The following COL9A1 variants were observed in gnomAD, a reference collection of about 807,000 sequenced individuals.
COL9A1 encodes the protein collagen type IX alpha 1 chain.
A neutral mutation model predicts 142.6 loss-of-function variants in COL9A1; 104 were observed. That is an observed-to-expected ratio of 0.73 (90% CI 0.62 to 0.86). The LOEUF (loss-of-function observed/expected upper bound fraction) is 0.86. Ranked by LOEUF, COL9A1 falls within the 40% of genes least tolerant of loss-of-function variation. The pLI is 0.00. For missense variants in COL9A1, 1,210 were observed against 1,176.6 expected (o/e 1.03, Z -0.42); for synonymous variants, 466 against 396.0 (o/e 1.18, Z -2.10).
chr6:70,264,594 T>C (rs1160026501), intron 18 of COL9A1, among the ~76,000 whole-genome samples: 1 of 152,026 alleles, frequency 6.6e-6, no homozygotes, highest in Non-Finnish European at 1.5e-5. Context: ...CAGTGATTGA[T>C]ATGTCCACTG....
rs368516523 is a variant in COL9A1, at chr6:70,239,155, G to T, written c.2112+99C>A. ...CTCCATCTCAAAAAAAAAAAGAATT[G>T]AATGTTACATAATGATTTCATAAAG... On this transcript the variant is annotated intron_variant, in intron 33 of 37. Transcript: ENST00000357250. 11 of 836,620 alleles carry T rather than the reference G, an allele frequency of 1.3e-5. No homozygotes were observed. In the East Asian group the frequency reaches 2.7e-4, roughly 20 times the overall value. 51.8% of individuals were successfully genotyped at this position (836,620 alleles called of 1,614,324 possible).
intron 21 of COL9A1, 127 bp downstream of exon 21, chr6:70,256,641 C>CAT (rs888145554): frequency 9.9e-5 from 63 of 634,292 alleles, no homozygotes; most frequent in Non-Finnish European, 1.3e-4. Flanking sequence ...TAAATTTAAA[C>CAT]ATATATATAT....
In COL9A1 at chr6:70,216,213, T is replaced by C. The variant is rs1462605020; in HGVS notation, c.*684A>G. On this transcript the variant is annotated 3_prime_UTR_variant, in exon 38 of 38. Coordinates refer to ENST00000357250, the MANE Select transcript of COL9A1 (RefSeq NM_001851.6). ...TAAATAATCTCATCAATAAAATTTA[T>C]GAATGCCAGAGTATTAAAATTATTT... 1 of 152,676 alleles carries C rather than the reference T, an allele frequency of 6.5e-6. No homozygotes were observed. Among genetic ancestry groups the C allele is most frequent in the Non-Finnish European group, 1.5e-5 (1 of 68,056 alleles). 9.5% of individuals were successfully genotyped at this position (152,676 alleles called of 1,614,324 possible). A position where few individuals can be genotyped will look rare whatever the true frequency, so the allele number is the denominator to read the frequency against.
chr6:70,286,162 T>C (rs1773443606), intron 5 of COL9A1, among the ~76,000 whole-genome samples: 1 of 152,160 alleles, frequency 6.6e-6, no homozygotes, highest in Non-Finnish European at 1.5e-5. Context: ...TCTGGGATTA[T>C]AAGGTGTGAG....
At chr6:70,275,571 A>G (rs1772706067) in intron 10 of COL9A1, among the ~76,000 whole-genome samples, 1 of 152,122 alleles carries the variant, frequency 6.6e-6, no homozygotes, top group South Asian at 2.1e-4. Context: ...TACTTACTTT[A>G]TCATCATCCT....
intron 4 of COL9A1, among the ~76,000 whole-genome samples, chr6:70,295,857 G>A (rs971519933): frequency 2.0e-5 from 3 of 152,106 alleles, no homozygotes; most frequent in African/African-American, 7.2e-5. Flanking sequence ...CCTTCTAAGC[G>A]TAGAAAAATT....
In COL9A1 at chr6:70,235,517, T is replaced by C. The variant is rs77713413; in HGVS notation, c.2113-577A>G. On this transcript the variant is annotated intron_variant, in intron 33 of 37. Coordinates refer to ENST00000357250, the MANE Select transcript of COL9A1 (RefSeq NM_001851.6). ...GATAGTTATTCTTGCAAAACGTTTA[T>C]TGGAATACTACATTTTTTAAAAACT... 5.9e-3 allele frequency among the ~76,000 whole-genome samples: 894 copies of C among 152,226 alleles called. 26 individuals carry two copies. The East Asian group carries it at 0.07, about 12-fold the overall frequency.
rs1391084943 is a variant in COL9A1, at chr6:70,294,216, C to A, written c.647G>T (p.Gly216Val). 2 of 1,614,042 alleles carry A rather than the reference C, an allele frequency of 1.2e-6. No homozygotes were observed. The highest frequency in any genetic ancestry group is 1.7e-6 in the Non-Finnish European group (2 of 1,179,964). Residue 216 changes from glycine to valine, a missense_variant, in exon 5 of 38, where the codon GGC (glycine) becomes GTC (valine). Coordinates refer to ENST00000357250, the MANE Select transcript of COL9A1 (RefSeq NM_001851.6). ...TGCAAGTTTTCCCAGCACAGCAAAG[C>A]CATCAATGTCAATTGGGCCTCTTGG... ...IKPRGPIDID[G>V]FAVLGKLADN...
chr6:70,283,730 G>C lies in COL9A1; in HGVS notation c.780+7C>G. ...AAGTGGCCTTTGCAGGTAGTCAGGG[G>C]ACTCACCGTTATTCTGGCTGGCAGC... On this transcript the variant is annotated splice_region_variant and intron_variant, in intron 6 of 37. Coordinates refer to ENST00000357250, the MANE Select transcript of COL9A1 (RefSeq NM_001851.6). 6 of 1,607,972 alleles carry C rather than the reference G, an allele frequency of 3.7e-6. No homozygotes were observed. Among genetic ancestry groups the C allele is most frequent in the Non-Finnish European group, 5.1e-6 (6 of 1,176,582 alleles).
intron 37 of COL9A1, among the ~76,000 whole-genome samples, chr6:70,223,083 C>T (rs1171729538): frequency 6.6e-6 from 1 of 152,118 alleles, no homozygotes. Flanking sequence ...TTGAAGTAGA[C>T]TTTCATGGAG....
At chr6:70,242,739 A>T (rs754482869) in intron 28 of COL9A1, 24 bp from the exon 29 acceptor site, 1 of 1,612,074 alleles carries the variant, frequency 6.2e-7, no homozygotes, top group Non-Finnish European at 8.5e-7. Flanking sequence ...AACATTGTCA[A>T]TTGGATATTT....
intron 28 of COL9A1, among the ~76,000 whole-genome samples, chr6:70,248,863 A>G (rs542717770): frequency 6.6e-6 from 1 of 152,356 alleles, no homozygotes; most frequent in African/African-American, 2.4e-5. Flanking sequence ...AAAGGACACA[A>G]GAGTTCAGAA....
At chr6:70,262,464 C>T (rs141588770) in intron 19 of COL9A1, among the ~76,000 whole-genome samples, 46 of 152,306 alleles carry the variant, frequency 3.0e-4, no homozygotes, top group Admixed American at 6.5e-4. Context: ...TGGAGAAGAG[C>T]AGAGCAGGTG....
At position 70,232,761 on chromosome 6, in the gene COL9A1, A is replaced by C; in HGVS notation, c.2325T>G (p.Ala775=). Residue 775 remains alanine, a synonymous_variant, in exon 36 of 38, where the codon GCT becomes GCG. Transcript: ENST00000357250. ...VCMRVIQEHF[A]EMAASLKRPD... is the part of the protein sequence containing the mutation. ...GACGCTTAAGACTGGCAGCCATCTC[A>C]GCAAAATGTTCTAAAAGAGAATAAA... 4 of 1,612,596 alleles carry C rather than the reference A, an allele frequency of 2.5e-6. No individual in the cohort carries two copies. The highest frequency in any genetic ancestry group is 2.5e-6 in the Non-Finnish European group (3 of 1,179,226).
intron 5 of COL9A1, among the ~76,000 whole-genome samples, chr6:70,293,523 T>G (rs1324958715): frequency 6.6e-6 from 1 of 151,914 alleles, no homozygotes; most frequent in Admixed American, 6.6e-5. Flanking sequence ...ATCAATATTA[T>G]GCATCTATAT....
intron 22 of COL9A1, 50 bp downstream of exon 22, chr6:70,255,287 C>T (rs1415289268): frequency 1.2e-6 from 2 of 1,609,706 alleles, no homozygotes; most frequent in South Asian, 1.1e-5. Context: ...GCATAATCAG[C>T]AGATGACACT....
intron 28 of COL9A1, 115 bp downstream of exon 28, chr6:70,252,005 C>T: frequency 1.9e-6 from 2 of 1,080,954 alleles, no homozygotes; most frequent in Non-Finnish European, 2.9e-6. Context: ...GTGTCTTGGA[C>T]TAGCATGGGC....
intron 20 of COL9A1, among the ~76,000 whole-genome samples, chr6:70,259,580 G>A (rs1358216360): frequency 1.3e-5 from 2 of 151,968 alleles, no homozygotes; most frequent in Admixed American, 6.6e-5. Context: ...CTCCACCAAC[G>A]GCAACACCTC....
At chr6:70,255,421 GA>G in intron 21 of COL9A1, 31 bp from the exon 22 acceptor site, 1 of 1,595,646 alleles carries the variant, frequency 6.3e-7, no homozygotes, top group Non-Finnish European at 8.6e-7. Context: ...GTTAATACAA[GA>G]AAAAGTTACT....
Sources: allele counts gnomAD v4.1 joint callset (sites outside exome capture counted in the v4.1 genomes callset), GRCh38; gene constraint gnomAD v4.1.1; transcripts MANE v1.5; gene names NCBI Gene and HGNC (gene_info 2026-07-23, HGNC 2026-07-21).